C12orf56: variants seen among roughly 807,000 people sequenced by gnomAD.
C12orf56 encodes uncharacterized protein C12orf56.
C12orf56 carries 71 observed loss-of-function variants against 69.9 expected under a neutral mutation model. The ratio of observed to expected loss-of-function variants is 1.02; its 90% confidence interval spans 0.84 to 1.24. The LOEUF is 1.24. C12orf56 is among the 50% of genes most tolerant of loss of function. C12orf56 has a pLI of 0.00. For missense variants in C12orf56, 732 were observed against 738.5 expected (o/e 0.99, Z 0.10); for synonymous variants, 276 against 274.1 (o/e 1.01, Z -0.07).
At chr12:64,352,136 G>T (rs1158238593) in intron 2 of C12orf56, among the ~76,000 whole-genome samples, 2 of 150,246 alleles carry the variant, frequency 1.3e-5, no homozygotes, top group Non-Finnish European at 2.9e-5. Context: ...TTACCAGTCA[G>T]GCTTTTGGCT....
intron 2 of C12orf56, among the ~76,000 whole-genome samples, chr12:64,340,507 A>C (rs958602179): frequency 3.3e-5 from 5 of 152,334 alleles, no homozygotes; most frequent in African/African-American, 1.2e-4. Context: ...TATGCCTAGC[A>C]TAATACAACT....
intron 5 of C12orf56, among the ~76,000 whole-genome samples, chr12:64,308,947 GAA>G (rs1360964376): frequency 8.9e-5 from 6 of 67,680 alleles, no homozygotes; most frequent in African/African-American, 3.4e-4. Context: ...AAAGAAGAAA[GAA>G]AGAAAGAAAG....
At chr12:64,390,196 G>C in intron 1 of C12orf56, 118 bp downstream of exon 1, 1 of 1,292,034 alleles carries the variant, frequency 7.7e-7, no homozygotes, top group South Asian at 1.5e-5. Flanking sequence ...CAAATAAGAG[G>C]AGGGGAGTCG....
intron 1 of C12orf56, among the ~76,000 whole-genome samples, chr12:64,362,578 G>C (rs1057127524): frequency 4.6e-5 from 7 of 152,082 alleles, no homozygotes; most frequent in African/African-American, 1.4e-4. Context: ...TGTAATCTCA[G>C]CTATTCAGGA....
Position 64,381,616 on chromosome 12 carries a change from T to C in C12orf56, c.252+8698A>G, listed in dbSNP as rs183994653. ...AGGTTAGAAGCAAAATGGAGTCGGT[T>C]AGGTCAGATCTCTTTCACTGTCTCA... On this transcript the variant is annotated intron_variant, in intron 1 of 12. Transcript: ENST00000543942. 1.6e-4 allele frequency among the ~76,000 whole-genome samples: 25 copies of C among 152,328 alleles called. No homozygotes were observed. The East Asian group carries it at 4.6e-3, about 28-fold the overall frequency.
chr12:64,357,118 C>A (rs7487244), intron 1 of C12orf56, among the ~76,000 whole-genome samples: 88,346 of 148,496 alleles, frequency 0.59, 26,759 homozygotes, highest in Non-Finnish European at 0.68. Context: ...AAAAAAAAAA[C>A]ACACAAAAAT....
intron 1 of C12orf56, among the ~76,000 whole-genome samples, chr12:64,380,100 G>T (rs1419722472): frequency 1.3e-5 from 1 of 77,882 alleles, no homozygotes; most frequent in Non-Finnish European, 2.1e-5. Context: ...GCAAGACTCC[G>T]TCGCAAAAAA....
intron 12 of C12orf56, among the ~76,000 whole-genome samples, chr12:64,269,961 G>A (rs2037960454): frequency 6.6e-6 from 1 of 152,072 alleles, no homozygotes; most frequent in Admixed American, 6.6e-5. Context: ...CTACAATAAA[G>A]ACAATGAGTG....
intron 2 of C12orf56, among the ~76,000 whole-genome samples, chr12:64,345,384 C>T (rs771583674): frequency 2.0e-5 from 3 of 152,100 alleles, no homozygotes; most frequent in Non-Finnish European, 4.4e-5. Context: ...GGGATGTTGC[C>T]ATTACTGGGG....
rs564073198 is a variant in C12orf56 at position 64,324,034 on chromosome 12, C to T, written c.489-5054G>A. 1.1e-4 allele frequency among the ~76,000 whole-genome samples: 16 copies of T among 152,234 alleles called. No individual in the cohort carries two copies. The South Asian group carries it at 2.9e-3, about 28-fold the overall frequency. Reference sequence around the variant, plus strand: ...CCCTGCTACAAGGCAGAGCCCTCCCCGCAGAAGCTCATAAGTCACATTCTT... The same window carrying T: ...CCCTGCTACAAGGCAGAGCCCTCCCTGCAGAAGCTCATAAGTCACATTCTT... On this transcript the variant is annotated intron_variant, in intron 3 of 12. Transcript: ENST00000543942.
intron 1 of C12orf56, among the ~76,000 whole-genome samples, chr12:64,366,930 T>TTA (rs1344205820): frequency 7.8e-6 from 1 of 127,658 alleles, no homozygotes; most frequent in African/African-American, 3.0e-5. Flanking sequence ...AGTTTATATA[T>TTA]TATATATAAC....
chr12:64,275,054 A>G (rs2136748740), intron 10 of C12orf56, 79 bp from the exon 11 acceptor site: 1 of 1,285,044 alleles, frequency 7.8e-7, no homozygotes, highest in African/African-American at 1.5e-5. Flanking sequence ...TCTTAAATAC[A>G]TTTTTATCCT....
chr12:64,358,462 G>GTAATAATAA lies in C12orf56; in HGVS notation c.253-5415_253-5407dup, dbSNP rs1307361496. ...AACACAGTAAGACTCCATCTCAAAA[G>GTAATAATAA]TAATAATAATAATAATAATAATCAT... On this transcript the variant is annotated intron_variant, in intron 1 of 12. Transcript: ENST00000543942. Among the ~76,000 whole-genome samples the GTAATAATAA allele has an allele frequency of 4.3e-3, 552 of 128,056 alleles. 7 individuals carry two copies. The highest frequency in any genetic ancestry group is 0.015 in the African/African-American group (503 of 33,906). 84.0% of individuals were successfully genotyped at this position (128,056 alleles called of 152,430 possible).
In C12orf56 at chr12:64,319,120, G is replaced by A. The variant is rs567391961; in HGVS notation, c.489-140C>T. On this transcript the variant is annotated intron_variant, in intron 3 of 12. Transcript: ENST00000543942. ...TAAAACAAGGAAGTCATTGAACCTC[G>A]CTGGTAATAACCCATTGACTAGAGG... 1.8e-4 allele frequency: 137 copies of A among 763,800 alleles called. 2 individuals are homozygous for A. The South Asian group carries it at 3.1e-3, about 17-fold the overall frequency. 47.3% of individuals were successfully genotyped at this position (763,800 alleles called of 1,614,324 possible). A position where few individuals can be genotyped will look rare whatever the true frequency, so the allele number is the denominator to read the frequency against.
intron 6 of C12orf56, among the ~76,000 whole-genome samples, chr12:64,302,503 G>A (rs1363884128): frequency 2.6e-5 from 4 of 152,192 alleles, no homozygotes; most frequent in East Asian, 3.8e-4. Flanking sequence ...ATGGTTGGGA[G>A]TTCACATGCT....
At chr12:64,328,931 G>C (rs1045227370) in intron 3 of C12orf56, among the ~76,000 whole-genome samples, 1 of 151,026 alleles carries the variant, frequency 6.6e-6, no homozygotes, top group African/African-American at 2.4e-5. Flanking sequence ...CAGGCGTGGT[G>C]GTGGGCACCT....
chr12:64,266,904 T>C lies in C12orf56; in HGVS notation c.*279A>G, dbSNP rs935118753. ...TGTCTTGATGGATAGTCGTTTATTT[T>C]GTGGCAAGAGTGAGTTTGAAGAACT... On this transcript the variant is annotated 3_prime_UTR_variant, in exon 13 of 13. Coordinates refer to ENST00000543942, the MANE Select transcript of C12orf56 (RefSeq NM_001170633.2). The C allele has an allele frequency of 2.7e-6, 1 of 371,914 alleles. No homozygotes were observed. The highest frequency in any genetic ancestry group is 4.7e-6 in the Non-Finnish European group (1 of 212,128). 23.0% of individuals were successfully genotyped at this position (371,914 alleles called of 1,614,324 possible).
intron 5 of C12orf56, among the ~76,000 whole-genome samples, chr12:64,310,805 G>A (rs917482867): frequency 4.0e-5 from 6 of 151,510 alleles, no homozygotes; most frequent in African/African-American, 1.5e-4. Context: ...TGCCATGTTG[G>A]TGTGCTGCAC....
At chr12:64,338,902 CT>C in intron 2 of C12orf56, 1 of 562,174 alleles carries the variant, frequency 1.8e-6, no homozygotes. Context: ...GTTTCCTTTA[CT>C]TTTTGAGAAC....
Sources: gnomAD v4.1 joint callset for allele counts (sites outside exome capture counted in the v4.1 genomes callset) on GRCh38, gnomAD v4.1.1 for gene constraint, MANE v1.5 for transcripts, NCBI Gene and HGNC (gene_info 2026-07-23, HGNC 2026-07-21) for gene names.